The following PLSCR4 variants were observed in gnomAD, a reference collection of about 807,000 sequenced individuals.
The protein encoded by PLSCR4 is Ca(2+)-dependent phospholipid scramblase 4.
PLSCR4 carries 25 observed loss-of-function variants against 36.3 expected under a neutral mutation model. That is an observed-to-expected ratio of 0.69 (90% CI 0.50 to 0.96). The LOEUF is 0.96. PLSCR4 is among the 40% of genes least tolerant of loss of function. PLSCR4 has a pLI of 0.00. For missense variants in PLSCR4, 408 were observed against 414.7 expected (o/e 0.98, Z 0.14); for synonymous variants, 122 against 132.9 (o/e 0.92, Z 0.56).
intron 7 of PLSCR4, 174 bp downstream of exon 7, chr3:146,196,458 C>T (rs541477206): frequency 8.4e-6 from 5 of 597,202 alleles, no homozygotes; most frequent in East Asian, 5.7e-5. Context: ...TTTGGAAAAC[C>T]TCAATCTACT....
intron 4 of PLSCR4, among the ~76,000 whole-genome samples, chr3:146,205,403 T>C (rs1476327285): frequency 2.0e-5 from 3 of 152,038 alleles, no homozygotes; most frequent in Non-Finnish European, 4.4e-5. Context: ...ATTTTTTTAT[T>C]ATTAAGTAAA....
At position 146,196,543 on chromosome 3, in the gene PLSCR4, T is replaced by TA. The variant is rs796833072; in HGVS notation, c.786+88dup. ...CTAACACTATGTTATTCATTCACAT[T>TA]AAAAAAAAATGTCTACAACCAGATC... On this transcript the variant is annotated intron_variant, in intron 7 of 8. Coordinates refer to ENST00000354952, the MANE Select transcript of PLSCR4 (RefSeq NM_020353.3). 3,181 of 1,161,178 alleles carry TA rather than the reference T, an allele frequency of 2.7e-3. 2 individuals carry two copies. Among genetic ancestry groups the TA allele is most frequent in the African/African-American group, 7.6e-3 (491 of 64,876 alleles). 71.9% of individuals were successfully genotyped at this position (1,161,178 alleles called of 1,614,324 possible).
intron 1 of PLSCR4, among the ~76,000 whole-genome samples, chr3:146,233,106 GTGAATTTACATGGGAGATAGTTC>G (rs2035784229): frequency 6.6e-6 from 1 of 151,988 alleles, no homozygotes; most frequent in Non-Finnish European, 1.5e-5. Context: ...TTTATCATTA[GTGAATTTACATGGGAGATAGTTC>G]CTTTGAATTT....
At chr3:146,204,076 C>T (rs549853018) in intron 4 of PLSCR4, among the ~76,000 whole-genome samples, 1 of 152,018 alleles carries the variant, frequency 6.6e-6, no homozygotes, top group South Asian at 2.1e-4. Flanking sequence ...TATTAACTGG[C>T]CTAATTTCAA....
intron 1 of PLSCR4, among the ~76,000 whole-genome samples, chr3:146,243,025 T>A (rs1017315569): frequency 1.3e-5 from 2 of 152,146 alleles, no homozygotes; most frequent in Admixed American, 6.5e-5. Flanking sequence ...CCCATCAATC[T>A]CTCAGGGAGG....
Position 146,222,111 on chromosome 3 carries a change from T to C in PLSCR4, c.-21-19A>G. 1 of 995,700 alleles carries C rather than the reference T, an allele frequency of 1.0e-6. No homozygotes were observed. Among genetic ancestry groups the C allele is most frequent in the Middle Eastern group, 2.7e-4 (1 of 3,742 alleles). The allele number at this position is 995,700 out of a possible 1,614,324, so 61.7% of individuals were successfully genotyped here. Reference sequence around the variant, plus strand: ...ATTAATCCTGAAAAATAAAAAATGTTAATGCCTTTAAAATACATACATAAT... The same window carrying C: ...ATTAATCCTGAAAAATAAAAAATGTCAATGCCTTTAAAATACATACATAAT... On this transcript the variant is annotated intron_variant, in intron 1 of 8. Transcript: ENST00000354952.
chr3:146,207,184 A>C (rs1403412037), intron 3 of PLSCR4, among the ~76,000 whole-genome samples: 2 of 152,058 alleles, frequency 1.3e-5, no homozygotes, highest in African/African-American at 2.4e-5. Flanking sequence ...TATTATGTCT[A>C]TTGTTATTGT....
At chr3:146,214,451 T>G (rs1446888259) in intron 3 of PLSCR4, among the ~76,000 whole-genome samples, 2 of 152,004 alleles carry the variant, frequency 1.3e-5, no homozygotes, top group Non-Finnish European at 2.9e-5. Context: ...TGGAGGTGTT[T>G]ATAGCTATAA....
chr3:146,241,968 A>C (rs1384111452), intron 1 of PLSCR4, among the ~76,000 whole-genome samples: 2 of 152,176 alleles, frequency 1.3e-5, no homozygotes, highest in Non-Finnish European at 2.9e-5. Flanking sequence ...TAAATAGCAG[A>C]CTGCAACTTG....
At chr3:146,239,519 CA>C (rs34713180) in intron 1 of PLSCR4, among the ~76,000 whole-genome samples, 5,515 of 110,520 alleles carry the variant, frequency 0.05, 311 homozygotes, top group African/African-American at 0.15. Flanking sequence ...CATCCACATA[CA>C]AAAAAAAAAA....
chr3:146,207,984 G>T (rs1576458355), intron 3 of PLSCR4, among the ~76,000 whole-genome samples: 1 of 151,968 alleles, frequency 6.6e-6, no homozygotes, highest in Non-Finnish European at 1.5e-5. Flanking sequence ...GCAAAACTAA[G>T]TAAGTGAAAA....
chr3:146,244,783 T>C (rs1281307635), intron 1 of PLSCR4, among the ~76,000 whole-genome samples: 1 of 152,092 alleles, frequency 6.6e-6, no homozygotes, highest in African/African-American at 2.4e-5. Context: ...AGAAGGTTCG[T>C]GCATCTCTCA....
chr3:146,228,620 TG>T (rs887270762), intron 1 of PLSCR4, among the ~76,000 whole-genome samples: 2 of 152,174 alleles, frequency 1.3e-5, no homozygotes, highest in African/African-American at 2.4e-5. Context: ...AGATGATGGA[TG>T]TATCTTGTAG....
chr3:146,228,281 T>TGTTA (rs2035561717), intron 1 of PLSCR4, among the ~76,000 whole-genome samples: 2 of 152,230 alleles, frequency 1.3e-5, no homozygotes, highest in African/African-American at 2.4e-5. Flanking sequence ...ATGTGTGTGT[T>TGTTA]TAACAGCAGT....
chr3:146,201,051 A>C lies in PLSCR4; in HGVS notation c.381T>G (p.His127Gln). The change falls in exon 5 of 9, where the codon CAT (histidine) becomes CAG (glutamine). Residue 127 changes from histidine to glutamine, a missense_variant. Transcript: ENST00000354952. Reference protein sequence around the residue: ...VQLDNIHVLQHFEPLEMMTCF... With the variant: ...VQLDNIHVLQQFEPLEMMTCF... ...TATACATACTTTCCAGAGGCTCAAA[A>C]TGCTGAAGAACATGTATGTTGTCCA... 1.9e-6 allele frequency: 3 copies of C among 1,558,554 alleles called. No homozygotes were observed. The highest frequency in any genetic ancestry group is 1.7e-6 in the Non-Finnish European group (2 of 1,159,602).
At chr3:146,196,565 GATCTTTCCATGGTCTGTTA>G in intron 7 of PLSCR4, 48 bp downstream of exon 7, 1 of 1,472,318 alleles carries the variant, frequency 6.8e-7, no homozygotes, top group South Asian at 1.2e-5. Context: ...TCTACAACCA[GATCTTTCCATGGTCTGTTA>G]ATATGAGTAG....
Position 146,192,391 on chromosome 3 carries a change from T to A in PLSCR4, c.*2020A>T, listed in dbSNP as rs1312437869. 1 of 150,642 alleles carries A rather than the reference T, an allele frequency of 6.6e-6. No homozygotes were observed. The allele number at this position is 150,642 out of a possible 1,614,324, so 9.3% of individuals were successfully genotyped here. On this transcript the variant is annotated 3_prime_UTR_variant, in exon 9 of 9. Transcript: ENST00000354952. ...AAGCCATAAAGAATACGAAAAAGCA[T>A]GAACGCACAAATTCCAGAGAATTTG...
chr3:146,215,408 T>A (rs2034845815), intron 3 of PLSCR4, among the ~76,000 whole-genome samples: 2 of 152,082 alleles, frequency 1.3e-5, no homozygotes, highest in Non-Finnish European at 2.9e-5. Context: ...TTTATTTAAC[T>A]AATATAAGGA....
chr3:146,216,431 T>TA (rs142730117), intron 3 of PLSCR4, among the ~76,000 whole-genome samples: 9,963 of 151,438 alleles, frequency 0.066, 608 homozygotes, highest in African/African-American at 0.15. Context: ...CTATGTTGAT[T>TA]AAAAAAAAAT....
Sources: gnomAD v4.1 joint callset for allele counts (sites outside exome capture counted in the v4.1 genomes callset) on GRCh38, gnomAD v4.1.1 for gene constraint, MANE v1.5 for transcripts, NCBI Gene and HGNC (gene_info 2026-07-23, HGNC 2026-07-21) for gene names.